Variants in SAG observed in about 807,000 individuals in gnomAD.
SAG encodes the protein S-arrestin.
A neutral mutation model predicts 55.0 loss-of-function variants in SAG; 45 were observed. The ratio of observed to expected loss-of-function variants is 0.82; its 90% confidence interval spans 0.64 to 1.05. The LOEUF is 1.05. SAG is among the 50% of genes least tolerant of loss of function. SAG has a pLI of 0.00. For synonymous variants in SAG, 189 were observed against 197.4 expected (o/e 0.96, Z 0.36); for missense variants, 455 against 512.1 (o/e 0.89, Z 1.08).
At chr2:233,311,011 A>G (rs1471237404) in intron 2 of SAG, among the ~76,000 whole-genome samples, 2 of 151,864 alleles carry the variant, frequency 1.3e-5, no homozygotes, top group South Asian at 4.2e-4. Context: ...ATTTTATCTC[A>G]ACTTCTGGCT....
At chr2:233,314,887 C>T (rs1047248656) in intron 2 of SAG, among the ~76,000 whole-genome samples, 1 of 152,144 alleles carries the variant, frequency 6.6e-6, no homozygotes, top group South Asian at 2.1e-4. Flanking sequence ...AATATTCATT[C>T]GAAGAAGGGG....
intron 2 of SAG, among the ~76,000 whole-genome samples, chr2:233,309,513 G>A (rs1700020826): frequency 6.6e-6 from 1 of 152,156 alleles, no homozygotes; most frequent in Non-Finnish European, 1.5e-5. Flanking sequence ...TGGGTATGGT[G>A]GCAGGCACCT....
At chr2:233,334,059 G>A (rs1387549580) in intron 10 of SAG, 1 of 152,308 alleles carries the variant, frequency 6.6e-6, no homozygotes, top group Admixed American at 6.5e-5. Flanking sequence ...ACAGGATGGA[G>A]GGTGTGCTTC....
intron 7 of SAG, 81 bp from the exon 8 acceptor site, chr2:233,328,397 G>A (rs1700639327): frequency 6.7e-7 from 1 of 1,502,998 alleles, no homozygotes; most frequent in African/African-American, 1.4e-5. Context: ...GAATCTCCAT[G>A]TGACAGTGGG....
rs756800720 is a variant in SAG, at chr2:233,338,631, C to T, written c.945-45C>T. 2.6e-6 allele frequency: 4 copies of T among 1,549,640 alleles called. No homozygotes were observed. In the Admixed American group the frequency reaches 6.7e-5, roughly 26 times the overall value. On this transcript the variant is annotated intron_variant, in intron 11 of 15. Coordinates refer to ENST00000409110, the MANE Select transcript of SAG (RefSeq NM_000541.5). ...AAAGGCTGCCCATCTGCTCTTCACCCTCCTCTGCTCTCCATCATTCTCCTT... is the reference window on the plus strand; with the variant it reads ...AAAGGCTGCCCATCTGCTCTTCACCTTCCTCTGCTCTCCATCATTCTCCTT...
intron 12 of SAG, 53 bp downstream of exon 12, chr2:233,338,806 C>A: frequency 1.4e-6 from 2 of 1,457,412 alleles, no homozygotes; most frequent in South Asian, 1.1e-5. Flanking sequence ...CTTAGATGGT[C>A]TGAACTTTTC....
chr2:233,331,489 T>G, intron 9 of SAG, 151 bp from the exon 10 acceptor site: 3 of 696,900 alleles, frequency 4.3e-6, no homozygotes, highest in Non-Finnish European at 7.9e-6. Context: ...ACCCCAGCCT[T>G]GAAGCTGAGG....
At chr2:233,325,849 T>A (rs1310767418) in intron 6 of SAG, among the ~76,000 whole-genome samples, 1 of 152,100 alleles carries the variant, frequency 6.6e-6, no homozygotes, top group African/African-American at 2.4e-5. Context: ...GCTTGACAGC[T>A]GAGAAGCCCA....
intron 1 of SAG, among the ~76,000 whole-genome samples, chr2:233,308,418 GA>G: frequency 6.6e-6 from 1 of 152,074 alleles, no homozygotes; most frequent in Non-Finnish European, 1.5e-5. Flanking sequence ...GGTGAGCTAT[GA>G]TTGTGGCACT....
At chr2:233,324,132 C>T (rs1387048991) in intron 6 of SAG, among the ~76,000 whole-genome samples, 2 of 152,138 alleles carry the variant, frequency 1.3e-5, no homozygotes, top group Non-Finnish European at 2.9e-5. Context: ...TGCAGTGGCT[C>T]AGGCCTGTCA....
chr2:233,330,351 C>G (rs903393675), intron 9 of SAG, among the ~76,000 whole-genome samples: 1 of 152,130 alleles, frequency 6.6e-6, no homozygotes, highest in Non-Finnish European at 1.5e-5. Flanking sequence ...TGGGCTCTCC[C>G]GGGCAAGCCA....
At chr2:233,332,994 ACC>A (rs1700815754) in intron 10 of SAG, 1 of 148,182 alleles carries the variant, frequency 6.7e-6, no homozygotes, top group South Asian at 2.1e-4. Context: ...ACAGGGTTTC[ACC>A]TGTTGGCCAG....
Position 233,340,314 on chromosome 2 carries a change from T to C in SAG, c.1023-141T>C, listed in dbSNP as rs1384104796. ...AGTCACAGGTAATGAAGTTGAACAT[T>C]AAGGGATGGGAAGACCCTGGATGTT... is the stretch of plus-strand genomic sequence containing the variant. On this transcript the variant is annotated intron_variant, in intron 12 of 15. Coordinates refer to ENST00000409110, the MANE Select transcript of SAG (RefSeq NM_000541.5). This position sits in a 1 kb window ranked among gnomAD's most constrained non-coding sequence, Gnocchi z 4.2. 2 of 682,884 alleles carry C rather than the reference T, an allele frequency of 2.9e-6. No homozygotes were observed. The highest frequency in any genetic ancestry group is 3.6e-5 in the African/African-American group (2 of 54,798). 42.3% of individuals were successfully genotyped at this position (682,884 alleles called of 1,614,324 possible).
intron 13 of SAG, among the ~76,000 whole-genome samples, chr2:233,341,293 G>C (rs987380698): frequency 6.6e-6 from 1 of 152,084 alleles, no homozygotes; most frequent in African/African-American, 2.4e-5. Flanking sequence ...ACAGGTGCAC[G>C]CCACTATGCC....
intron 5 of SAG, among the ~76,000 whole-genome samples, chr2:233,322,564 G>A (rs1182550525): frequency 2.0e-5 from 3 of 152,172 alleles, no homozygotes; most frequent in Non-Finnish European, 4.4e-5. Context: ...ACTTTGAGAG[G>A]CCAAGGTGGG....
chr2:233,318,101 A>G (rs1218460418), intron 3 of SAG, among the ~76,000 whole-genome samples: 1 of 151,942 alleles, frequency 6.6e-6, no homozygotes, highest in African/African-American at 2.4e-5. Context: ...AGCCTCTCAC[A>G]TAGCTGGGAC....
intron 7 of SAG, chr2:233,327,497 G>A: frequency 3.5e-6 from 1 of 285,746 alleles, no homozygotes; most frequent in African/African-American, 2.2e-5. Flanking sequence ...GTTTTTTGTG[G>A]TAAAATGTAC....
chr2:233,307,838 T>C lies in SAG; in HGVS notation c.-213T>C, dbSNP rs891269929. 6.6e-6 allele frequency: 1 copy of C among 152,404 alleles called. No individual in the cohort carries two copies. Among genetic ancestry groups the C allele is most frequent in the Admixed American group, 6.5e-5 (1 of 15,290 alleles). 9.4% of individuals were successfully genotyped at this position (152,404 alleles called of 1,614,324 possible). ...ATTGAGACCTGGATGCTGGGCATCCTCGCTAGATCCCCTACAAATTCCCCA... is the reference window on the plus strand; with the variant it reads ...ATTGAGACCTGGATGCTGGGCATCCCCGCTAGATCCCCTACAAATTCCCCA... On this transcript the variant is annotated 5_prime_UTR_variant, in exon 1 of 16. Coordinates refer to ENST00000409110, the MANE Select transcript of SAG (RefSeq NM_000541.5).
intron 2 of SAG, among the ~76,000 whole-genome samples, chr2:233,310,740 C>G (rs978841054): frequency 6.6e-6 from 1 of 152,078 alleles, no homozygotes; most frequent in Non-Finnish European, 1.5e-5. Context: ...CTCCTGACCT[C>G]AGGTGATCCG....
Sources: allele counts gnomAD v4.1 joint callset (sites outside exome capture counted in the v4.1 genomes callset), GRCh38; gene constraint gnomAD v4.1.1; non-coding constraint Gnocchi (gnomAD v3.1); transcripts MANE v1.5; gene names NCBI Gene and HGNC (gene_info 2026-07-23, HGNC 2026-07-21).